The following DNAH3 variants were observed in gnomAD, a reference collection of about 807,000 sequenced individuals.
DNAH3 encodes the protein axonemal beta dynein heavy chain 3.
DNAH3 carries 332 observed loss-of-function variants against 432.5 expected under a neutral mutation model. The observed-to-expected ratio is 0.77, with a 90% CI of 0.70 to 0.84. The LOEUF (loss-of-function observed/expected upper bound fraction) is 0.84. Among genes scored for constraint, DNAH3 ranks in the 40% least tolerant of loss-of-function variants. DNAH3 has a pLI of 0.00. For missense variants in DNAH3, 4,861 were observed against 5,114.0 expected, an observed-to-expected ratio of 0.95 and a Z score of 1.51; for synonymous variants, 1,956 against 1,900.2, an observed-to-expected ratio of 1.03 and a Z score of -0.76.
intron 59 of DNAH3, among the ~76,000 whole-genome samples, chr16:20,940,937 T>C (rs2083783370): frequency 6.6e-6 from 1 of 151,734 alleles, no homozygotes; most frequent in Admixed American, 6.6e-5. Context: ...CTATAAAAAA[T>C]AAAAAATAAA....
At chr16:21,114,881 C>T (rs2092151441) in intron 12 of DNAH3, among the ~76,000 whole-genome samples, 1 of 152,172 alleles carries the variant, frequency 6.6e-6, no homozygotes, top group South Asian at 2.1e-4. Context: ...CCCAGTTGAT[C>T]CCATTACTGG....
At chr16:21,051,502 T>C (rs1175697981) in intron 29 of DNAH3, among the ~76,000 whole-genome samples, 168 bp downstream of exon 29, 5 of 152,214 alleles carry the variant, frequency 3.3e-5, no homozygotes, top group Admixed American at 2.6e-4. Context: ...TTCTCATGTC[T>C]AGCCTGAAGA....
chr16:21,096,767 C>G (rs1248787981), intron 18 of DNAH3, among the ~76,000 whole-genome samples: 1 of 152,082 alleles, frequency 6.6e-6, no homozygotes, highest in African/African-American at 2.4e-5. Flanking sequence ...TGGTTCTTTG[C>G]TGTTATTATC....
At chr16:20,983,735 T>C (rs1426792663) in intron 48 of DNAH3, among the ~76,000 whole-genome samples, 1 of 151,970 alleles carries the variant, frequency 6.6e-6, no homozygotes, top group Non-Finnish European at 1.5e-5. Context: ...AACAGAGGCC[T>C]GGCACAGTGG....
At chr16:20,997,560 TC>T in intron 43 of DNAH3, 98 bp from the exon 44 acceptor site, 1 of 1,372,430 alleles carries the variant, frequency 7.3e-7, no homozygotes, top group Non-Finnish European at 1.0e-6. Flanking sequence ...GGGAATCTGT[TC>T]CCAGGTTTCC....
chr16:21,060,363 A>T lies in DNAH3; in HGVS notation c.3721-7T>A. The T allele has an allele frequency of 6.2e-7, 1 of 1,611,806 alleles. No individual in the cohort carries two copies. Among genetic ancestry groups the T allele is most frequent in the Non-Finnish European group, 8.5e-7 (1 of 1,178,304 alleles). On this transcript the variant is annotated splice_region_variant and splice_polypyrimidine_tract_variant and intron_variant, in intron 25 of 61. Coordinates refer to ENST00000261383, the Ensembl canonical transcript of DNAH3. ...GCCACTTTTCCACCATGCCCTATGGAGCAAGACAGAGAGAGGGTGCAGCAG... is the reference window on the plus strand; with the variant it reads ...GCCACTTTTCCACCATGCCCTATGGTGCAAGACAGAGAGAGGGTGCAGCAG...
chr16:21,089,391 C>T lies in DNAH3; in HGVS notation c.2666-2331G>A, dbSNP rs144127770. 2.0e-4 allele frequency among the ~76,000 whole-genome samples: 31 copies of T among 152,258 alleles called. No individual in the cohort carries two copies. The East Asian group carries it at 5.8e-3, about 28-fold the overall frequency. On this transcript the variant is annotated intron_variant, in intron 18 of 61. Coordinates refer to ENST00000261383, the Ensembl canonical transcript of DNAH3. ...CTTGATCCCTTGATAAAATATTCCA[C>T]TCAATAACAGCAGAGTACACATTCT...
chr16:21,042,254 C>T, intron 31 of DNAH3, 51 bp from the exon 32 acceptor site: 2 of 1,528,076 alleles, frequency 1.3e-6, no homozygotes, highest in African/African-American at 1.4e-5. Context: ...GTCTGACAAC[C>T]ACCCTACTCT....
chr16:20,959,224 A>G (rs1567528416), exon 54 of DNAH3: 1 of 1,614,008 alleles, frequency 6.2e-7, no homozygotes, highest in African/African-American at 1.3e-5. Context: ...CTCCTCACAA[A>G]TCTTCTCCAG....
At position 21,024,541 on chromosome 16, in the gene DNAH3, G is replaced by T. The variant is rs1173247313; in HGVS notation, c.5646+55C>A. ...GTGAAGATGTACCTAGAAGACCCTCGAGATGAAAAGCAGGGAGACAGCAGG... is the reference window on the plus strand; with the variant it reads ...GTGAAGATGTACCTAGAAGACCCTCTAGATGAAAAGCAGGGAGACAGCAGG... On this transcript the variant is annotated intron_variant, in intron 39 of 61. Transcript: ENST00000261383. The T allele has an allele frequency of 6.8e-6, 9 of 1,331,270 alleles. No individual in the cohort carries two copies. In the East Asian group the frequency reaches 1.4e-4, roughly 21 times the overall value. 82.5% of individuals were successfully genotyped at this position (1,331,270 alleles called of 1,614,324 possible).
At chr16:21,025,599 G>GT (rs1567657837) in intron 38 of DNAH3, among the ~76,000 whole-genome samples, 1 of 150,860 alleles carries the variant, frequency 6.6e-6, no homozygotes, top group Non-Finnish European at 1.5e-5. Context: ...TATTGCTAAG[G>GT]TTTTGTCCTT....
chr16:20,988,304 T>C (rs1381702457), intron 44 of DNAH3, among the ~76,000 whole-genome samples: 1 of 152,258 alleles, frequency 6.6e-6, no homozygotes, highest in Non-Finnish European at 1.5e-5. Context: ...AAGAGCCACA[T>C]GTGGCTAGTG....
exon 49 of DNAH3, chr16:20,982,911 T>C (rs2085979565): frequency 6.2e-7 from 1 of 1,613,052 alleles, no homozygotes; most frequent in South Asian, 1.1e-5. Context: ...ATTTTGTTAA[T>C]TACCTTCCTC....
chr16:20,988,445 C>T (rs879940368), intron 44 of DNAH3, among the ~76,000 whole-genome samples: 33 of 152,036 alleles, frequency 2.2e-4, no homozygotes, highest in Non-Finnish European at 3.8e-4. Context: ...GATGGAGTTC[C>T]CCTCTGTTGC....
At chr16:21,106,699 T>TATC (rs748980226) in intron 14 of DNAH3, 25 bp from the exon 15 acceptor site, 16 of 1,447,480 alleles carry the variant, frequency 1.1e-5, no homozygotes, top group East Asian at 7.1e-5. Context: ...CAGCCATTGT[T>TATC]ATCATCATCA....
intron 41 of DNAH3, among the ~76,000 whole-genome samples, chr16:21,012,506 T>A (rs997827324): frequency 2.0e-5 from 3 of 152,168 alleles, no homozygotes; most frequent in Non-Finnish European, 4.4e-5. Context: ...GAGGCAAAAC[T>A]GATAGAACTT....
intron 38 of DNAH3, among the ~76,000 whole-genome samples, chr16:21,025,776 C>G (rs761053599): frequency 5.9e-5 from 9 of 152,036 alleles, no homozygotes; most frequent in Admixed American, 3.9e-4. Flanking sequence ...TTCTGTCGCC[C>G]AGGCTGGAGT....
intron 7 of DNAH3, among the ~76,000 whole-genome samples, chr16:21,128,796 C>T (rs142712050): frequency 6.8e-4 from 101 of 148,974 alleles, no homozygotes; most frequent in African/African-American, 2.4e-3. Flanking sequence ...GAGGTCAAGG[C>T]TACAGTGAGC....
chr16:21,034,828 C>G (rs2089080863), intron 35 of DNAH3, among the ~76,000 whole-genome samples: 1 of 152,174 alleles, frequency 6.6e-6, no homozygotes, highest in Admixed American at 6.5e-5. Context: ...TTTTGAGCAT[C>G]TACTATGTGC....
Sources: gnomAD v4.1 joint callset for allele counts (sites outside exome capture counted in the v4.1 genomes callset) on GRCh38, gnomAD v4.1.1 for gene constraint, MANE v1.5 for transcripts, NCBI Gene and HGNC (gene_info 2026-07-23, HGNC 2026-07-21) for gene names.